PTPRD: variants seen among roughly 807,000 people sequenced by gnomAD.
PTPRD encodes the protein protein tyrosine phosphatase receptor type D.
PTPRD carries 34 observed loss-of-function variants against 214.5 expected under a neutral mutation model. That is an observed-to-expected ratio of 0.16 (90% CI 0.12 to 0.21). The LOEUF (loss-of-function observed/expected upper bound fraction) is 0.21, where lower values mean the gene tolerates loss of function less well. PTPRD is among the 10% of genes least tolerant of loss of function. The pLI is 1.00. For synonymous variants in PTPRD, 1,128 were observed against 845.7 expected (o/e 1.33, Z -5.79); for missense variants, 2,545 against 2,398.7 (o/e 1.06, Z -1.27).
intron 2 of PTPRD, among the ~76,000 whole-genome samples, chr9:10,387,032 G>C (rs1289732223): frequency 2.0e-5 from 3 of 151,674 alleles, no homozygotes; most frequent in African/African-American, 4.8e-5. Flanking sequence ...ATGAGTCAAG[G>C]AATGGGGGTA....
chr9:10,206,365 T>C (rs960088724), intron 3 of PTPRD, among the ~76,000 whole-genome samples: 1 of 152,132 alleles, frequency 6.6e-6, no homozygotes, highest in African/African-American at 2.4e-5. Context: ...CACTAGGTAG[T>C]CATCTGGAGT....
intron 2 of PTPRD, among the ~76,000 whole-genome samples, chr9:10,609,288 G>A (rs1322808605): frequency 6.6e-6 from 1 of 151,872 alleles, no homozygotes; most frequent in Admixed American, 6.6e-5. Flanking sequence ...ATTTTTTTCA[G>A]AATTTTCTAA....
intron 36 of PTPRD, among the ~76,000 whole-genome samples, chr9:8,391,967 G>A (rs1028679118): frequency 4.0e-5 from 6 of 149,956 alleles, no homozygotes; most frequent in African/African-American, 1.5e-4. Context: ...AATTCTTTTT[G>A]TTTAACAAGG....
chr9:8,932,678 A>G (rs1179001074), intron 11 of PTPRD, among the ~76,000 whole-genome samples: 2 of 152,110 alleles, frequency 1.3e-5, no homozygotes, highest in South Asian at 4.1e-4. Context: ...CTGTGAGGGG[A>G]AAACCACCTA....
intron 12 of PTPRD, among the ~76,000 whole-genome samples, chr9:8,709,291 G>C (rs1443119298): frequency 6.6e-6 from 1 of 151,948 alleles, no homozygotes; most frequent in Non-Finnish European, 1.5e-5. Context: ...GAGGTGGGCG[G>C]ATCACGAGGT....
intron 10 of PTPRD, among the ~76,000 whole-genome samples, chr9:9,133,939 C>T (rs57688746): frequency 0.047 from 7,146 of 152,074 alleles, 377 homozygotes; most frequent in African/African-American, 0.12. Flanking sequence ...GACTTCCATA[C>T]TCTAATAGAT....
chr9:8,463,119 T>G (rs767149513), intron 32 of PTPRD, among the ~76,000 whole-genome samples: 11 of 151,770 alleles, frequency 7.2e-5, no homozygotes, highest in Admixed American at 1.3e-4. Context: ...GCATCTATTC[T>G]GAATTTAAGT....
intron 3 of PTPRD, among the ~76,000 whole-genome samples, chr9:10,044,555 C>A (rs1340103366): frequency 1.3e-5 from 2 of 151,700 alleles, no homozygotes; most frequent in Non-Finnish European, 3.0e-5. Context: ...TGAGAATTAT[C>A]AAATAATTTG....
chr9:9,444,533 C>T (rs546452128), intron 8 of PTPRD, among the ~76,000 whole-genome samples: 3 of 152,222 alleles, frequency 2.0e-5, no homozygotes, highest in South Asian at 2.1e-4. Context: ...CAAATGATTG[C>T]CAGTGCTCTA....
At chr9:9,550,294 G>A (rs934835009) in intron 8 of PTPRD, among the ~76,000 whole-genome samples, 6 of 151,458 alleles carry the variant, frequency 4.0e-5, no homozygotes, top group African/African-American at 1.4e-4. Context: ...AGACTTGCCA[G>A]CTCCTGCAAT....
chr9:10,139,989 T>C (rs186966584), intron 3 of PTPRD, among the ~76,000 whole-genome samples: 430 of 152,132 alleles, frequency 2.8e-3, no homozygotes, highest in Non-Finnish European at 4.9e-3. Flanking sequence ...AAATAATTAA[T>C]GGCCAAGTCC....
intron 11 of PTPRD, among the ~76,000 whole-genome samples, chr9:8,834,854 C>G (rs2097378727): frequency 6.6e-6 from 1 of 152,204 alleles, no homozygotes; most frequent in Non-Finnish European, 1.5e-5. Context: ...CCAGACTTTT[C>G]CTATATACAG....
chr9:9,784,687 G>A (rs966596094), intron 5 of PTPRD, among the ~76,000 whole-genome samples: 1 of 149,650 alleles, frequency 6.7e-6, no homozygotes. Context: ...TAGTGGAACT[G>A]TGCTAGCTTA....
At chr9:9,237,126 T>C (rs1424564669) in intron 9 of PTPRD, among the ~76,000 whole-genome samples, 2 of 152,152 alleles carry the variant, frequency 1.3e-5, no homozygotes, top group Admixed American at 1.3e-4. Flanking sequence ...ATTCTAAATA[T>C]AGAGCACAGA....
intron 8 of PTPRD, among the ~76,000 whole-genome samples, chr9:9,500,273 AAAC>A (rs2096364858): frequency 1.3e-5 from 2 of 152,268 alleles, no homozygotes; most frequent in South Asian, 4.1e-4. Context: ...CTCTCGATGT[AAAC>A]AACAATAAAG....
chr9:9,007,180 T>C (rs1166958927), intron 11 of PTPRD, among the ~76,000 whole-genome samples: 1 of 151,720 alleles, frequency 6.6e-6, no homozygotes, highest in East Asian at 1.9e-4. Context: ...AGGTTATGAG[T>C]AGAGGTATAT....
chr9:8,872,736 C>G (rs2098324406), intron 11 of PTPRD, among the ~76,000 whole-genome samples: 1 of 152,098 alleles, frequency 6.6e-6, no homozygotes, highest in Non-Finnish European at 1.5e-5. Flanking sequence ...ATAATAAAAA[C>G]CATCTAGGGA....
intron 8 of PTPRD, among the ~76,000 whole-genome samples, chr9:9,547,655 T>C (rs1460505331): frequency 2.0e-5 from 3 of 152,108 alleles, no homozygotes; most frequent in Admixed American, 6.6e-5. Flanking sequence ...AAGGATATTT[T>C]GTACATCAGG....
At chr9:8,603,538 C>T (rs2095002872) in intron 14 of PTPRD, among the ~76,000 whole-genome samples, 1 of 152,092 alleles carries the variant, frequency 6.6e-6, no homozygotes, top group Non-Finnish European at 1.5e-5. Flanking sequence ...AAAGAAGAAC[C>T]TTAGCACCCC....
Sources: gnomAD v4.1 joint callset for allele counts (sites outside exome capture counted in the v4.1 genomes callset) on GRCh38, gnomAD v4.1.1 for gene constraint, MANE v1.5 for transcripts, NCBI Gene and HGNC (gene_info 2026-07-23, HGNC 2026-07-21) for gene names.